PGM1: variants seen among roughly 807,000 people sequenced by gnomAD.
The protein encoded by PGM1 is phosphoglucomutase-1.
Under a neutral mutation model 55.6 loss-of-function variants are expected in PGM1, and 52 were observed. The ratio of observed to expected loss-of-function variants is 0.94; its 90% CI spans 0.75 to 1.18. PGM1 has a LOEUF of 1.18. Ranked by LOEUF, PGM1 falls within the 50% of genes most tolerant of loss-of-function variation. The probability of loss-of-function intolerance (pLI) is 0.00; values close to 1 mark genes in which losing one functional copy is unlikely to be tolerated. For missense variants in PGM1, 724 were observed against 729.3 expected, an observed-to-expected ratio of 0.99 and a Z score of 0.08; for synonymous variants, 287 against 271.7, an observed-to-expected ratio of 1.06 and a Z score of -0.55.
rs557728953 is a variant in PGM1, at chr1:63,653,703, A to G, written c.1465-629A>G. ...CCAGAGATACCGCTGGGGAGGAAAA[A>G]GAGAGGGCAGCAGAGAGAAGGATGG... On this transcript the variant is annotated intron_variant, in intron 9 of 10. Coordinates refer to ENST00000371084, the MANE Select transcript of PGM1 (RefSeq NM_002633.3). Among the ~76,000 whole-genome samples, 5 of 152,296 alleles carry G rather than the reference A, an allele frequency of 3.3e-5. No homozygotes were observed. The East Asian group carries it at 7.7e-4, about 24-fold the overall frequency.
At chr1:63,604,959 G>GTGTT (rs58900430) in intron 1 of PGM1, among the ~76,000 whole-genome samples, 2,872 of 134,266 alleles carry the variant, frequency 0.021, 40 homozygotes, top group African/African-American at 0.029. Context: ...GTGTGTGTGT[G>GTGTT]TAAAGAGAGG....
rs199928376 is a variant in PGM1, at chr1:63,593,732, G to A, written c.244G>A (p.Gly82Arg). The A allele has an allele frequency of 3.1e-6, 5 of 1,594,240 alleles. No homozygotes were observed. Among genetic ancestry groups the A allele is most frequent in the African/African-American group, 2.7e-5 (2 of 74,546 alleles). The stretch of plus-strand genomic sequence containing the variant: ...CATCGCTCGCATCGCTGCCGCCAAC[G>A]GGGTAAGGGATGCGCGGCCCCGCGC... Reference protein sequence around the residue: ...QLIARIAAANGIGRLVIGQNG... With the variant: ...QLIARIAAANRIGRLVIGQNG... Residue 82 changes from glycine (G) to arginine (R), a missense_variant and splice_region_variant, in exon 1 of 11, where the codon GGG becomes AGG. By Grantham distance (125) the Gly-to-Arg change is moderately radical. Around this residue, in one of 3 missense-constraint regions of PGM1, gnomAD observed 379 missense variants for 357.5 expected, o/e 1.06. Coordinates refer to ENST00000371084, the MANE Select transcript of PGM1 (RefSeq NM_002633.3).
chr1:63,655,988 G>T (rs1323892872), intron 10 of PGM1: 1 of 152,146 alleles, frequency 6.6e-6, no homozygotes, highest in Non-Finnish European at 1.5e-5. Flanking sequence ...TGAGTAGTGG[G>T]ATTGCACCTG....
At chr1:63,633,876 GTGTGTGTGTGT>G (rs1649267085) in intron 4 of PGM1, among the ~76,000 whole-genome samples, 1 of 23,098 alleles carries the variant, frequency 4.3e-5, no homozygotes, top group Non-Finnish European at 7.0e-5. Context: ...CTGTGTGTGT[GTGTGTGTGTGT>G]GTGTGTGTGT....
chr1:63,613,508 T>A (rs965922578), intron 1 of PGM1, among the ~76,000 whole-genome samples: 1 of 152,008 alleles, frequency 6.6e-6, no homozygotes, highest in Admixed American at 6.5e-5. Context: ...AATCTCTACC[T>A]CTGTCTTCAC....
chr1:63,597,389 G>T (rs1648109267), intron 1 of PGM1, among the ~76,000 whole-genome samples: 1 of 152,170 alleles, frequency 6.6e-6, no homozygotes, highest in Non-Finnish European at 1.5e-5. Context: ...CTGTTGTGAG[G>T]ATTAGATGAA....
At chr1:63,649,825 C>T (rs558945270) in intron 8 of PGM1, among the ~76,000 whole-genome samples, 1 of 152,270 alleles carries the variant, frequency 6.6e-6, no homozygotes, top group South Asian at 2.1e-4. Context: ...ACAGAAAAAC[C>T]TGGTCATTCA....
chr1:63,658,621 G>A (rs71645547), intron 10 of PGM1, among the ~76,000 whole-genome samples: 134 of 151,920 alleles, frequency 8.8e-4, no homozygotes, highest in Non-Finnish European at 1.8e-3. Context: ...GCGTGGTGGC[G>A]CATGCCTGTA....
intron 1 of PGM1, among the ~76,000 whole-genome samples, chr1:63,617,238 C>G (rs1022472185): frequency 6.6e-6 from 1 of 152,156 alleles, no homozygotes; most frequent in Admixed American, 6.5e-5. Flanking sequence ...CTGTACTGGA[C>G]AGCAGGTGAG....
intron 3 of PGM1, 148 bp downstream of exon 3, chr1:63,630,236 T>C (rs755659480): frequency 8.0e-6 from 7 of 873,094 alleles, no homozygotes; most frequent in Admixed American, 1.9e-5. Context: ...TTAACAAGTC[T>C]GGAATTAGGT....
chr1:63,631,507 A>T (rs1478878364), intron 3 of PGM1, 150 bp from the exon 4 acceptor site: 1 of 730,688 alleles, frequency 1.4e-6, no homozygotes, highest in East Asian at 2.7e-5. Flanking sequence ...ATAGTATCGG[A>T]TATCACTTAA....
rs1649152884 is a variant in PGM1 at position 63,630,037 on chromosome 1, G to A, written c.505G>A (p.Val169Ile). 1 of 1,614,082 alleles carries A rather than the reference G, an allele frequency of 6.2e-7. No homozygotes were observed. Among genetic ancestry groups the A allele is most frequent in the African/African-American group, 1.3e-5 (1 of 75,044 alleles). ...VCPDLKVDLGVLGKQQFDLEN... is the reference protein window; with the variant it reads ...VCPDLKVDLGILGKQQFDLEN... ...CCCTGACCTGAAAGTAGACCTTGGT[G>A]TTCTGGGAAAGCAGCAGTTTGACTT... is the stretch of plus-strand genomic sequence containing the variant. Residue 169 changes from valine to isoleucine, a missense_variant, in exon 3 of 11, where the codon GTT becomes ATT. Val to Ile is a conservative substitution (Grantham distance 29). Coordinates refer to ENST00000371084, the MANE Select transcript of PGM1 (RefSeq NM_002633.3).
chr1:63,632,182 A>G (rs1649214495), intron 4 of PGM1, among the ~76,000 whole-genome samples: 1 of 151,800 alleles, frequency 6.6e-6, no homozygotes, highest in Middle Eastern at 3.2e-3. Flanking sequence ...ACCTGCCCCC[A>G]AATGCTCGTT....
intron 3 of PGM1, among the ~76,000 whole-genome samples, chr1:63,630,600 C>G (rs1570495034): frequency 6.6e-6 from 1 of 152,138 alleles, no homozygotes; most frequent in Non-Finnish European, 1.5e-5. Context: ...ACTACACTTT[C>G]CATTTTAGTT....
chr1:63,638,100 G>T (rs937735858), intron 6 of PGM1, among the ~76,000 whole-genome samples: 1 of 152,194 alleles, frequency 6.6e-6, no homozygotes, highest in African/African-American at 2.4e-5. Context: ...CCACTAATCA[G>T]TGTGGGTGAA....
chr1:63,642,478 G>A (rs548656590), intron 7 of PGM1, among the ~76,000 whole-genome samples: 1 of 152,222 alleles, frequency 6.6e-6, no homozygotes, highest in African/African-American at 2.4e-5. Flanking sequence ...TCCTAACCGT[G>A]GATGATTATG....
At chr1:63,602,715 A>G (rs855318) in intron 1 of PGM1, among the ~76,000 whole-genome samples, 52,485 of 151,968 alleles carry the variant, frequency 0.35, 9,276 homozygotes, top group East Asian at 0.48. Flanking sequence ...TAAACCGACA[A>G]GTGTGAGGAT....
At chr1:63,653,979 C>T (rs1649889079) in intron 9 of PGM1, among the ~76,000 whole-genome samples, 1 of 152,170 alleles carries the variant, frequency 6.6e-6, no homozygotes, top group Non-Finnish European at 1.5e-5. Context: ...TGAATTTTTG[C>T]ATCTAGCAGC....
chr1:63,634,582 C>T (rs900379546), intron 4 of PGM1, among the ~76,000 whole-genome samples: 2 of 152,122 alleles, frequency 1.3e-5, no homozygotes, highest in South Asian at 2.1e-4. Context: ...CCTTTCCTTT[C>T]CCCACTCTGC....
Sources: gnomAD v4.1 joint callset for allele counts (sites outside exome capture counted in the v4.1 genomes callset) on GRCh38, gnomAD v4.1.1 for gene constraint, gnomAD v4.1.1 regional missense constraint, MANE v1.5 for transcripts, NCBI Gene and HGNC (gene_info 2026-07-23, HGNC 2026-07-21) for gene names.